Variants in ABCB11 observed in about 807,000 individuals in gnomAD.
ABCB11 encodes ATP binding cassette subfamily B member 11.
Under a neutral mutation model 148.0 loss-of-function variants are expected in ABCB11, and 95 were observed. The ratio of observed to expected loss-of-function variants is 0.64; its 90% CI spans 0.54 to 0.76. The LOEUF is 0.76. Among genes scored for constraint, ABCB11 ranks in the 30% least tolerant of loss-of-function variants. The probability of loss-of-function intolerance (pLI) is 0.00; values close to 1 mark genes in which losing one functional copy is unlikely to be tolerated. For missense variants in ABCB11, 1,523 were observed against 1,617.8 expected (o/e 0.94, Z 1.01); for synonymous variants, 591 against 555.4 (o/e 1.06, Z -0.90).
chr2:168,917,230 C>CT (rs912218485), downstream of ABCB11, among the ~76,000 whole-genome samples: 24 of 151,332 alleles, frequency 1.6e-4, no homozygotes, highest in Admixed American at 6.6e-4. Flanking sequence ...ATTTTTCTAC[C>CT]TTTTTTTTTC....
In ABCB11 at chr2:168,958,128, C is replaced by T; in HGVS notation, c.2179G>A (p.Asp727Asn). 1 of 1,610,570 alleles carries T rather than the reference C, an allele frequency of 6.2e-7. No individual in the cohort carries two copies. Among genetic ancestry groups the T allele is most frequent in the Non-Finnish European group, 8.5e-7 (1 of 1,177,818 alleles). ...HKSTYEEDRKDKDIPVQEEVE... is the reference protein window; with the variant it reads ...HKSTYEEDRKNKDIPVQEEVE... ...TCTTCCTGCACAGGAATGTCCTTGTCCTTGAGCAGAGAGAGGGTTATATTA... is the reference window on the plus strand; with the variant it reads ...TCTTCCTGCACAGGAATGTCCTTGTTCTTGAGCAGAGAGAGGGTTATATTA... Residue 727 changes from aspartate (D) to asparagine (N), a missense_variant and splice_region_variant, in exon 19 of 28, where the codon GAC becomes AAC. Transcript: ENST00000650372.
At chr2:168,988,053 G>A (rs1396920355) in intron 9 of ABCB11, among the ~76,000 whole-genome samples, 1 of 152,032 alleles carries the variant, frequency 6.6e-6, no homozygotes, top group Admixed American at 6.6e-5. Flanking sequence ...AGTATGCAAT[G>A]TGATGTTATT....
chr2:168,973,985 C>T (rs1490727558), intron 12 of ABCB11, 145 bp from the exon 13 acceptor site: 3 of 854,492 alleles, frequency 3.5e-6, no homozygotes, highest in Admixed American at 2.8e-5. Flanking sequence ...CCACTGAAAT[C>T]CATCAAAAAC....
chr2:168,993,920 T>G, intron 7 of ABCB11, 38 bp from the exon 8 acceptor site: 2 of 1,514,886 alleles, frequency 1.3e-6, no homozygotes, highest in Non-Finnish European at 1.8e-6. Context: ...AAAACTGAAT[T>G]TGATCATTCA....
intron 1 of ABCB11, among the ~76,000 whole-genome samples, chr2:169,019,949 A>G (rs1695488461): frequency 6.6e-6 from 1 of 152,206 alleles, no homozygotes; most frequent in South Asian, 2.1e-4. Flanking sequence ...CAACTAGAGG[A>G]TGTGCCTTAG....
At chr2:168,976,716 G>C in intron 11 of ABCB11, 29 bp from the exon 12 acceptor site, 1 of 1,400,228 alleles carries the variant, frequency 7.1e-7, no homozygotes, top group Admixed American at 1.7e-5. Flanking sequence ...GGGACACAGT[G>C]TAAACTCAAA....
At chr2:168,924,352 A>G (rs1408920856) in intron 27 of ABCB11, among the ~76,000 whole-genome samples, 4 of 152,242 alleles carry the variant, frequency 2.6e-5, no homozygotes, top group Non-Finnish European at 4.4e-5. Context: ...ACTATAAAAT[A>G]TAACAGATAA....
chr2:168,971,712 T>G, intron 14 of ABCB11, 135 bp downstream of exon 14: 2 of 765,854 alleles, frequency 2.6e-6, no homozygotes, highest in Non-Finnish European at 4.3e-6. Flanking sequence ...TGGTACTTTT[T>G]CAGGCATGAA....
chr2:169,030,078 A>G (rs1272799939), intron 1 of ABCB11, among the ~76,000 whole-genome samples: 2 of 152,184 alleles, frequency 1.3e-5, no homozygotes, highest in East Asian at 1.9e-4. Context: ...CAACTCCAGT[A>G]TTTGATTTCT....
At chr2:168,967,132 T>C (rs991510482) in intron 17 of ABCB11, among the ~76,000 whole-genome samples, 1 of 151,934 alleles carries the variant, frequency 6.6e-6, no homozygotes, top group Non-Finnish European at 1.5e-5. Context: ...AAGAAGTTAG[T>C]TGATATTTTC....
intron 1 of ABCB11, among the ~76,000 whole-genome samples, chr2:169,019,060 G>A (rs753896304): frequency 2.3e-4 from 35 of 152,066 alleles, no homozygotes; most frequent in Non-Finnish European, 4.4e-4. Context: ...TGGAGCCAGA[G>A]GAGCTAATGT....
intron 1 of ABCB11, among the ~76,000 whole-genome samples, chr2:169,022,009 T>C (rs1456756981): frequency 6.6e-6 from 1 of 152,022 alleles, no homozygotes; most frequent in Non-Finnish European, 1.5e-5. Flanking sequence ...CTCAGTAAAA[T>C]TGTGTGTGTT....
In ABCB11 at chr2:168,930,995, G is replaced by C. The variant is rs1160355765; in HGVS notation, c.3214-133C>G. ...ATGCTGCCAAAGTGCAAAGTATAAA[G>C]ACAGCAACTTAATAAAAGGACATTC... On this transcript the variant is annotated intron_variant, in intron 24 of 27. Transcript: ENST00000650372. 9 of 724,490 alleles carry C rather than the reference G, an allele frequency of 1.2e-5. No homozygotes were observed. In the East Asian group the frequency reaches 2.5e-4, roughly 20 times the overall value. 44.9% of individuals were successfully genotyped at this position (724,490 alleles called of 1,614,324 possible).
At chr2:168,973,903 C>A in intron 12 of ABCB11, 63 bp from the exon 13 acceptor site, 1 of 1,577,864 alleles carries the variant, frequency 6.3e-7, no homozygotes, top group South Asian at 1.1e-5. Context: ...AACAATTAGG[C>A]TACAGGTGCA....
At chr2:168,985,586 A>G (rs1191016903) in intron 10 of ABCB11, among the ~76,000 whole-genome samples, 1 of 152,056 alleles carries the variant, frequency 6.6e-6, no homozygotes, top group African/African-American at 2.4e-5. Context: ...ATAATTACAT[A>G]TATATATGGC....
intron 21 of ABCB11, among the ~76,000 whole-genome samples, chr2:168,943,071 CCT>C (rs548145182): frequency 4.4e-4 from 67 of 151,940 alleles, no homozygotes; most frequent in African/African-American, 1.5e-3. Context: ...CTGAGAAAAT[CCT>C]CTTTTTAAAA....
chr2:169,018,419 T>C (rs1264994171), intron 1 of ABCB11, among the ~76,000 whole-genome samples: 1 of 152,174 alleles, frequency 6.6e-6, no homozygotes, highest in Non-Finnish European at 1.5e-5. Flanking sequence ...GCAAAACCAT[T>C]GATAAATTTT....
At chr2:168,993,626 A>C in intron 8 of ABCB11, 85 bp downstream of exon 8, 1 of 1,282,918 alleles carries the variant, frequency 7.8e-7, no homozygotes, top group Non-Finnish European at 1.1e-6. Flanking sequence ...AACTGTACTC[A>C]GGAAAAGGGA....
intron 6 of ABCB11, 83 bp downstream of exon 6, chr2:168,996,552 A>C: frequency 4.0e-6 from 3 of 756,664 alleles, no homozygotes; most frequent in Non-Finnish European, 6.0e-6. Context: ...TGATTAGCTT[A>C]AAGAGTGGCA....
Sources: gnomAD v4.1 joint callset for allele counts (sites outside exome capture counted in the v4.1 genomes callset) on GRCh38, gnomAD v4.1.1 for gene constraint, MANE v1.5 for transcripts, NCBI Gene and HGNC (gene_info 2026-07-23, HGNC 2026-07-21) for gene names.